The following TENM2 variants were observed in gnomAD, a reference collection of about 807,000 sequenced individuals.
The protein encoded by TENM2 is teneurin transmembrane protein 2.
TENM2 carries 52 observed loss-of-function variants against 245.2 expected under a neutral mutation model. That is an observed-to-expected ratio of 0.21 (90% confidence interval 0.17 to 0.27). The LOEUF (loss-of-function observed/expected upper bound fraction) is 0.27. TENM2 is among the 10% of genes least tolerant of loss of function. The pLI, the probability that TENM2 is intolerant of heterozygous loss-of-function variation, is 1.00. For missense variants in TENM2, 3,046 were observed against 3,666.8 expected, an observed-to-expected ratio of 0.83 and a Z score of 4.37; for synonymous variants, 1,363 against 1,438.9, an observed-to-expected ratio of 0.95 and a Z score of 1.19.
the TENM2 span, among the ~76,000 whole-genome samples, chr5:167,140,179 T>A: frequency 1.3e-5 from 2 of 152,166 alleles, no homozygotes; most frequent in African/African-American, 4.8e-5. Flanking sequence ...TTTGGATACA[T>A]AGTAGGTATA....
intron 8 of TENM2, among the ~76,000 whole-genome samples, chr5:168,091,090 A>T (rs1238061490): frequency 6.6e-6 from 1 of 152,160 alleles, no homozygotes; most frequent in African/African-American, 2.4e-5. Flanking sequence ...TAAAATAGGA[A>T]CTAACGTGAA....
At chr5:167,012,302 ATTTCAGGCATGCCATT>A in the TENM2 span, among the ~76,000 whole-genome samples, 2 of 152,176 alleles carry the variant, frequency 1.3e-5, no homozygotes, top group African/African-American at 4.8e-5. Flanking sequence ...TGTCTGGAAC[ATTTCAGGCATGCCATT>A]GGTTCTGGAG....
chr5:168,255,895 TC>T (rs1447910699), intron 27 of TENM2, among the ~76,000 whole-genome samples: 4 of 152,138 alleles, frequency 2.6e-5, no homozygotes, highest in African/African-American at 9.6e-5. Context: ...AACCTCCACC[TC>T]CCAGGTTCAA....
At chr5:167,063,565 T>C in the TENM2 span, among the ~76,000 whole-genome samples, 1 of 152,206 alleles carries the variant, frequency 6.6e-6, no homozygotes, top group Non-Finnish European at 1.5e-5. Flanking sequence ...TCTCTGTCAA[T>C]GGCTTCCTCG....
chr5:167,236,584 T>G, the TENM2 span, among the ~76,000 whole-genome samples: 1 of 151,998 alleles, frequency 6.6e-6, no homozygotes, highest in Non-Finnish European at 1.5e-5. Flanking sequence ...ATCTTAGAAG[T>G]CTTCTAGATC....
the TENM2 span, among the ~76,000 whole-genome samples, chr5:167,153,493 CAG>C: frequency 1.3e-5 from 2 of 151,826 alleles, no homozygotes; most frequent in African/African-American, 2.4e-5. Flanking sequence ...CTTGCTGTCT[CAG>C]GGGTGGAAGA....
At chr5:167,249,983 G>C in the TENM2 span, among the ~76,000 whole-genome samples, 1 of 152,254 alleles carries the variant, frequency 6.6e-6, no homozygotes, top group East Asian at 1.9e-4. Context: ...GTAGTGGGGA[G>C]CCTTCCAGGA....
intron 2 of TENM2, among the ~76,000 whole-genome samples, chr5:167,688,677 A>C (rs1166275217): frequency 6.6e-6 from 1 of 152,210 alleles, no homozygotes; most frequent in South Asian, 2.1e-4. Flanking sequence ...GACAGCTGAT[A>C]AAATATTGCA....
chr5:167,964,939 T>C (rs970917369), intron 4 of TENM2, among the ~76,000 whole-genome samples: 2 of 152,232 alleles, frequency 1.3e-5, no homozygotes, highest in African/African-American at 4.8e-5. Context: ...CTCTGCTTTT[T>C]GCTTTTAATA....
At chr5:167,449,031 T>C (rs1354099307) in intron 2 of TENM2, among the ~76,000 whole-genome samples, 1 of 151,408 alleles carries the variant, frequency 6.6e-6, no homozygotes, top group African/African-American at 2.4e-5. Flanking sequence ...GGCATTTATT[T>C]GTTTCTAAAT....
intron 2 of TENM2, among the ~76,000 whole-genome samples, chr5:167,789,594 TA>T (rs1343307350): frequency 3.3e-5 from 5 of 152,224 alleles, no homozygotes; most frequent in Admixed American, 2.6e-4. Context: ...AGCATCCACA[TA>T]AAGTCATTTG....
chr5:168,073,306 G>T (rs1403353382), intron 7 of TENM2, among the ~76,000 whole-genome samples: 1 of 152,188 alleles, frequency 6.6e-6, no homozygotes, highest in Non-Finnish European at 1.5e-5. Flanking sequence ...ACCTGTGAGG[G>T]ATTTTAGGGC....
intron 8 of TENM2, among the ~76,000 whole-genome samples, chr5:168,091,299 T>C (rs1358689698): frequency 6.6e-6 from 1 of 152,174 alleles, no homozygotes; most frequent in African/African-American, 2.4e-5. Flanking sequence ...AAAAATCATG[T>C]TTTTATTCTT....
chr5:167,057,278 G>C, the TENM2 span, among the ~76,000 whole-genome samples: 4 of 151,910 alleles, frequency 2.6e-5, no homozygotes, highest in Non-Finnish European at 5.9e-5. Context: ...GCTTATTAAT[G>C]GTCATTTAAA....
chr5:167,991,321 C>A (rs1294209422), intron 4 of TENM2, among the ~76,000 whole-genome samples: 3 of 152,152 alleles, frequency 2.0e-5, no homozygotes, highest in Admixed American at 2.0e-4. Flanking sequence ...ACTAAAATCC[C>A]CCTCTGCATG....
chr5:167,912,320 A>G (rs1469153864), intron 3 of TENM2, among the ~76,000 whole-genome samples: 1 of 152,242 alleles, frequency 6.6e-6, no homozygotes, highest in Non-Finnish European at 1.5e-5. Context: ...TCACTATGAC[A>G]GGATTTTTTC....
At chr5:167,742,106 C>A (rs1206419628) in intron 2 of TENM2, among the ~76,000 whole-genome samples, 1 of 152,108 alleles carries the variant, frequency 6.6e-6, no homozygotes, top group African/African-American at 2.4e-5. Flanking sequence ...CTTCATGAAC[C>A]TAAACTAACT....
Position 167,992,378 on chromosome 5 carries a change from A to G in TENM2, c.948-566A>G, listed in dbSNP as rs77560054. On this transcript the variant is annotated intron_variant, in intron 4 of 28. Coordinates refer to ENST00000518659, the Ensembl canonical transcript of TENM2. The stretch of plus-strand genomic sequence containing the variant: ...ATTTAGTTTGTAAATAGTTGTGACA[A>G]TACATTTCAAGTACCTTTCAATAGT... 3.2e-3 allele frequency among the ~76,000 whole-genome samples: 489 copies of G among 152,352 alleles called. 3 individuals are homozygous for G. Among genetic ancestry groups the G allele is most frequent in the African/African-American group, 0.01 (429 of 41,582 alleles).
chr5:167,867,938 T>C (rs1772468030), intron 2 of TENM2, among the ~76,000 whole-genome samples: 1 of 152,226 alleles, frequency 6.6e-6, no homozygotes, highest in African/African-American at 2.4e-5. Context: ...TTAAGTTTGT[T>C]TTCTTGCTGT....
Sources: gnomAD v4.1 joint callset for allele counts (sites outside exome capture counted in the v4.1 genomes callset) on GRCh38, gnomAD v4.1.1 for gene constraint, MANE v1.5 for transcripts, NCBI Gene and HGNC (gene_info 2026-07-23, HGNC 2026-07-21) for gene names.